The following VSNL1 variants were observed in gnomAD, a reference collection of about 807,000 sequenced individuals.
The protein encoded by VSNL1 is visinin-like protein 1.
VSNL1 carries 6 observed loss-of-function variants against 20.4 expected under a neutral mutation model. The ratio of observed to expected loss-of-function variants is 0.29; its 90% CI spans 0.16 to 0.58. The LOEUF is 0.58. Among genes scored for constraint, VSNL1 ranks in the 20% least tolerant of loss-of-function variants. The pLI, the probability that VSNL1 is intolerant of heterozygous loss-of-function variation, is 0.90. For synonymous variants in VSNL1, 93 were observed against 86.4 expected (o/e 1.08, Z -0.42); for missense variants, 100 against 234.5 (o/e 0.43, Z 3.75).
chr2:17,584,633 A>G (rs1480796179), intron 1 of VSNL1, among the ~76,000 whole-genome samples: 1 of 152,116 alleles, frequency 6.6e-6, no homozygotes, highest in Non-Finnish European at 1.5e-5. Context: ...GTAAAAAGAC[A>G]GCTCAGGTGG....
chr2:17,542,198 C>T (rs1399906325), intron 1 of VSNL1, among the ~76,000 whole-genome samples: 3 of 138,156 alleles, frequency 2.2e-5, no homozygotes, highest in Admixed American at 7.1e-5. Flanking sequence ...AAACTGCCTA[C>T]GTGTGTTTGT....
chr2:17,567,873 A>G (rs1315631193), intron 1 of VSNL1, among the ~76,000 whole-genome samples: 5 of 152,120 alleles, frequency 3.3e-5, no homozygotes, highest in Non-Finnish European at 5.9e-5. Flanking sequence ...AGATTTTCTA[A>G]TATGTATCAT....
At chr2:17,622,542 AAGAAAGAAAGAAAG>A (rs1208486178) in intron 2 of VSNL1, among the ~76,000 whole-genome samples, 3 of 63,422 alleles carry the variant, frequency 4.7e-5, no homozygotes, top group African/African-American at 2.4e-4. Context: ...AAAAGAAAGA[AAGAAAGAAAGAAAG>A]AAAGAAAGAA....
At chr2:17,625,140 C>T (rs1325123105) in intron 2 of VSNL1, among the ~76,000 whole-genome samples, 1 of 152,194 alleles carries the variant, frequency 6.6e-6, no homozygotes, top group Non-Finnish European at 1.5e-5. Context: ...CTCTCTTTGC[C>T]TGCTGCCATC....
upstream of VSNL1, chr2:17,540,142 A>G (rs968235230): frequency 3.3e-5 from 5 of 152,302 alleles, no homozygotes; most frequent in African/African-American, 9.7e-5. Flanking sequence ...GAAATGGCCC[A>G]TGACAAAATG....
At chr2:17,626,343 A>C (rs896975030) in intron 2 of VSNL1, among the ~76,000 whole-genome samples, 1 of 152,164 alleles carries the variant, frequency 6.6e-6, no homozygotes, top group African/African-American at 2.4e-5. Context: ...TGAGCCAACT[A>C]CAGGCCAGTG....
chr2:17,574,928 A>G (rs1465380025), intron 1 of VSNL1, among the ~76,000 whole-genome samples: 1 of 152,070 alleles, frequency 6.6e-6, no homozygotes, highest in South Asian at 2.1e-4. Flanking sequence ...CACCATGCCC[A>G]GCTAATCTTT....
rs556982822 is a variant in VSNL1, at chr2:17,602,087, G to T, written c.162+9851G>T. ...ATTTTGAAATGGTGATCTGGATTTG[G>T]GATCTGGCTATCACTGACCCACCTT... On this transcript the variant is annotated intron_variant, in intron 2 of 3. Transcript: ENST00000295156. Among the ~76,000 whole-genome samples, 15 of 152,252 alleles carry T rather than the reference G, an allele frequency of 9.9e-5. No homozygotes were observed. In the South Asian group the frequency reaches 3.1e-3, roughly 32 times the overall value.
intron 1 of VSNL1, among the ~76,000 whole-genome samples, chr2:17,567,900 A>G (rs1302818102): frequency 6.6e-6 from 1 of 152,196 alleles, no homozygotes; most frequent in East Asian, 1.9e-4. Context: ...TTCCAGGAAT[A>G]ACCCCTGCTT....
intron 2 of VSNL1, among the ~76,000 whole-genome samples, chr2:17,620,034 G>C (rs923595201): frequency 6.6e-6 from 1 of 152,156 alleles, no homozygotes; most frequent in Non-Finnish European, 1.5e-5. Context: ...CTGAGTGCTA[G>C]AGCATCTGTA....
intron 1 of VSNL1, among the ~76,000 whole-genome samples, chr2:17,544,540 A>G (rs1031876475): frequency 6.6e-6 from 1 of 152,192 alleles, no homozygotes; most frequent in Non-Finnish European, 1.5e-5. Flanking sequence ...GGCAAGCTAT[A>G]GATTTTCTAT....
At chr2:17,618,504 C>T (rs1205629897) in intron 2 of VSNL1, among the ~76,000 whole-genome samples, 1 of 152,198 alleles carries the variant, frequency 6.6e-6, no homozygotes, top group Admixed American at 6.5e-5. Flanking sequence ...TCCACATTTG[C>T]AGGTCATTAA....
intron 1 of VSNL1, among the ~76,000 whole-genome samples, chr2:17,549,124 C>G (rs945187725): frequency 2.0e-5 from 3 of 152,238 alleles, no homozygotes; most frequent in African/African-American, 7.2e-5. Flanking sequence ...TATGCCTCAA[C>G]TCTTATGCAG....
chr2:17,582,220 G>A (rs1307942470), intron 1 of VSNL1, among the ~76,000 whole-genome samples: 2 of 152,146 alleles, frequency 1.3e-5, no homozygotes, highest in African/African-American at 2.4e-5. Context: ...GAGGTGCCAG[G>A]AGGGGTGAGG....
rs535309889 is a variant in VSNL1, at chr2:17,607,639, T to A, written c.162+15403T>A. 2.6e-5 allele frequency among the ~76,000 whole-genome samples: 4 copies of A among 152,376 alleles called. No individual in the cohort carries two copies. In the East Asian group the frequency reaches 7.7e-4, roughly 29 times the overall value. The stretch of plus-strand genomic sequence containing the variant: ...TGCCTGTCCCTATAGCACAGGTCCC[T>A]TGACATTGTGGCTATTTTTTTGTCC... On this transcript the variant is annotated intron_variant, in intron 2 of 3. Coordinates refer to ENST00000295156, the MANE Select transcript of VSNL1 (RefSeq NM_003385.5).
At chr2:17,586,781 G>A (rs1664484296) in intron 1 of VSNL1, among the ~76,000 whole-genome samples, 1 of 152,210 alleles carries the variant, frequency 6.6e-6, no homozygotes. Flanking sequence ...GAGAGGAGTA[G>A]TAACAGTTGG....
At position 17,611,559 on chromosome 2, in the gene VSNL1, G is replaced by A. The variant is rs546302516; in HGVS notation, c.162+19323G>A. 2.6e-5 allele frequency among the ~76,000 whole-genome samples: 4 copies of A among 152,314 alleles called. No individual in the cohort carries two copies. In the South Asian group the frequency reaches 8.3e-4, roughly 32 times the overall value. On this transcript the variant is annotated intron_variant, in intron 2 of 3. Transcript: ENST00000295156. ...GTGGGGATAGGCTCCATCCAGGAAG[G>A]GGGCCTTGAACTTGGTCAAAGAGTA...
chr2:17,575,990 A>AT (rs1364382984), intron 1 of VSNL1, among the ~76,000 whole-genome samples: 1 of 152,138 alleles, frequency 6.6e-6, no homozygotes, highest in Non-Finnish European at 1.5e-5. Flanking sequence ...TTAAAAATAA[A>AT]TTTTTTTGCA....
chr2:17,633,372 A>T lies in VSNL1; in HGVS notation c.163-16038A>T, dbSNP rs1010186005. ...ACAAAAAAAAAAAAAAAAAAAAAAA[A>T]GCTGGGCATGGTGGTGAGTGCCTGT... On this transcript the variant is annotated intron_variant, in intron 2 of 3. Coordinates refer to ENST00000295156, the MANE Select transcript of VSNL1 (RefSeq NM_003385.5). Among the ~76,000 whole-genome samples the T allele has an allele frequency of 1.5e-4, 17 of 113,716 alleles. No homozygotes were observed. The South Asian group carries it at 4.1e-3, about 27-fold the overall frequency. 74.6% of individuals were successfully genotyped at this position (113,716 alleles called of 152,430 possible). A position where few individuals can be genotyped will look rare whatever the true frequency, so the allele number is the denominator to read the frequency against.
Sources: gnomAD v4.1 joint callset for allele counts (sites outside exome capture counted in the v4.1 genomes callset) on GRCh38, gnomAD v4.1.1 for gene constraint, MANE v1.5 for transcripts, NCBI Gene and HGNC (gene_info 2026-07-23, HGNC 2026-07-21) for gene names.